The following EYS variants were observed in gnomAD, a reference collection of about 807,000 sequenced individuals.
The protein encoded by EYS is EGF-like photoreceptor maintenance factor, also known as protein eyes shut homolog.
Under a neutral mutation model 282.1 loss-of-function variants are expected in EYS, and 250 were observed. That is an observed-to-expected ratio of 0.89 (90% CI 0.80 to 0.98). EYS has a LOEUF of 0.98. Among genes scored for constraint, EYS ranks in the 50% least tolerant of loss-of-function variants. EYS has a pLI of 0.00. For missense variants in EYS, 4,016 were observed against 3,709.0 expected (o/e 1.08, Z -2.15); for synonymous variants, 1,355 against 1,282.9 (o/e 1.06, Z -1.20).
At chr6:64,080,424 A>T (rs1218762232) in intron 32 of EYS, among the ~76,000 whole-genome samples, 2 of 151,910 alleles carry the variant, frequency 1.3e-5, no homozygotes, top group East Asian at 3.9e-4. Context: ...TTTTTCTTGT[A>T]AATTTGAGTT....
intron 2 of EYS, among the ~76,000 whole-genome samples, chr6:65,563,715 G>C (rs770176808): frequency 1.3e-5 from 2 of 152,046 alleles, no homozygotes; most frequent in Non-Finnish European, 2.9e-5. Flanking sequence ...AGTTAGAGTA[G>C]GTAGATAGGC....
chr6:64,361,109 G>C (rs1338658562), intron 29 of EYS, among the ~76,000 whole-genome samples: 2 of 151,636 alleles, frequency 1.3e-5, no homozygotes, highest in East Asian at 3.9e-4. Context: ...TTGCTCCAAA[G>C]AATATGGAAC....
chr6:63,838,306 A>G (rs1771861381), intron 36 of EYS, among the ~76,000 whole-genome samples: 2 of 152,190 alleles, frequency 1.3e-5, no homozygotes, highest in African/African-American at 2.4e-5. Flanking sequence ...AGGAACTAAC[A>G]TAAATAGACG....
At chr6:65,318,675 T>A (rs1769383389) in intron 11 of EYS, among the ~76,000 whole-genome samples, 1 of 150,068 alleles carries the variant, frequency 6.7e-6, no homozygotes, top group Admixed American at 6.7e-5. Flanking sequence ...AGAGTCTCAT[T>A]CCATCACCCA....
chr6:64,585,647 T>C (rs1288945809), intron 26 of EYS, among the ~76,000 whole-genome samples: 1 of 152,096 alleles, frequency 6.6e-6, no homozygotes, highest in Non-Finnish European at 1.5e-5. Flanking sequence ...TTGGATGTAG[T>C]TTTATATATA....
intron 22 of EYS, among the ~76,000 whole-genome samples, chr6:64,682,894 G>A (rs149746717): frequency 6.6e-6 from 1 of 152,198 alleles, no homozygotes; most frequent in East Asian, 1.9e-4. Flanking sequence ...TTCTGAGAAG[G>A]CAAGAATTGA....
intron 26 of EYS, among the ~76,000 whole-genome samples, chr6:64,451,903 T>C (rs1775364113): frequency 6.6e-6 from 1 of 152,184 alleles, no homozygotes; most frequent in Non-Finnish European, 1.5e-5. Flanking sequence ...GCCAATATCA[T>C]ACTGAATGGA....
At chr6:65,652,240 T>C (rs149697673) in intron 1 of EYS, among the ~76,000 whole-genome samples, 58 of 152,232 alleles carry the variant, frequency 3.8e-4, no homozygotes, top group African/African-American at 1.4e-3. Flanking sequence ...ATACATCTTA[T>C]GAAATGAAAT....
At chr6:63,822,456 T>C (rs1028313680) in intron 36 of EYS, 6 of 152,168 alleles carry the variant, frequency 3.9e-5, no homozygotes, top group Non-Finnish European at 7.3e-5. Flanking sequence ...ACCTATCATA[T>C]AAAAATGGAA....
intron 31 of EYS, among the ~76,000 whole-genome samples, chr6:64,139,786 T>A (rs1341015068): frequency 6.6e-6 from 1 of 151,816 alleles, no homozygotes; most frequent in Non-Finnish European, 1.5e-5. Flanking sequence ...CTGGCCAAGA[T>A]GGGAAAACCC....
chr6:65,036,639 C>A (rs1298568545), intron 13 of EYS, among the ~76,000 whole-genome samples: 1 of 150,522 alleles, frequency 6.6e-6, no homozygotes, highest in Admixed American at 6.6e-5. Flanking sequence ...CAAAAAAACA[C>A]CATTGAAAAA....
intron 33 of EYS, among the ~76,000 whole-genome samples, chr6:64,008,861 A>G (rs1393377983): frequency 2.0e-5 from 3 of 152,110 alleles, no homozygotes; most frequent in Non-Finnish European, 4.4e-5. Flanking sequence ...TTCCCTTTGT[A>G]GGTGACCTGC....
At chr6:65,222,002 G>A (rs1766478930) in intron 12 of EYS, among the ~76,000 whole-genome samples, 1 of 152,134 alleles carries the variant, frequency 6.6e-6, no homozygotes, top group Non-Finnish European at 1.5e-5. Context: ...TCTCCCATTT[G>A]AAATGGGTAT....
intron 2 of EYS, among the ~76,000 whole-genome samples, chr6:65,613,400 ATTATG>A (rs1562288367): frequency 1.3e-5 from 2 of 151,904 alleles, no homozygotes; most frequent in African/African-American, 4.8e-5. Context: ...CATCATAGTA[ATTATG>A]AACATAAAAA....
intron 22 of EYS, among the ~76,000 whole-genome samples, chr6:64,801,366 C>T (rs1774547169): frequency 6.6e-6 from 1 of 152,188 alleles, no homozygotes; most frequent in South Asian, 2.1e-4. Flanking sequence ...CTAAGAATTG[C>T]TAAACTATAT....
At position 63,762,665 on chromosome 6, in the gene EYS, G is replaced by A. The variant is rs761118369; in HGVS notation, c.7899-32C>T. 2.6e-6 allele frequency: 4 copies of A among 1,544,632 alleles called. No homozygotes were observed. In the South Asian group the frequency reaches 3.6e-5, roughly 14 times the overall value. On this transcript the variant is annotated intron_variant, in intron 40 of 42. Transcript: ENST00000503581. ...GTTGAGAGAAAGCCGCATGGTTTGA[G>A]CACTTGTTTAGAGATGGATACATAC... is the stretch of plus-strand genomic sequence containing the variant.
At chr6:64,710,444 C>T (rs543917213) in intron 22 of EYS, among the ~76,000 whole-genome samples, 7 of 152,298 alleles carry the variant, frequency 4.6e-5, no homozygotes, top group African/African-American at 1.4e-4. Context: ...CGGACCAAAT[C>T]CTTCATCCAG....
chr6:64,176,998 T>C (rs921336572), intron 31 of EYS, among the ~76,000 whole-genome samples: 13 of 134,306 alleles, frequency 9.7e-5, no homozygotes, highest in Non-Finnish European at 2.1e-4. Context: ...TCCTTTATTA[T>C]TTGTTGTTGT....
intron 13 of EYS, among the ~76,000 whole-genome samples, chr6:65,047,843 G>C (rs1284693449): frequency 2.0e-5 from 3 of 151,920 alleles, no homozygotes; most frequent in Non-Finnish European, 4.4e-5. Context: ...GGAGGTAGCT[G>C]AGTGGATGGT....
Sources: allele counts gnomAD v4.1 joint callset (sites outside exome capture counted in the v4.1 genomes callset), GRCh38; gene constraint gnomAD v4.1.1; transcripts MANE v1.5; gene names NCBI Gene and HGNC (gene_info 2026-07-23, HGNC 2026-07-21).